The following CAGE1 variants were observed in gnomAD, a reference collection of about 807,000 sequenced individuals.
CAGE1 encodes the protein cancer antigen 1.
In CAGE1, 66 loss-of-function variants were observed where a neutral mutation model predicts 94.9. The ratio of observed to expected loss-of-function variants is 0.70; its 90% CI spans 0.57 to 0.85. CAGE1 has a LOEUF of 0.85. Among genes scored for constraint, CAGE1 ranks in the 40% least tolerant of loss-of-function variants. The probability of loss-of-function intolerance (pLI) is 0.00; values close to 1 mark genes in which losing one functional copy is unlikely to be tolerated. For synonymous variants in CAGE1, 319 were observed against 321.0 expected (o/e 0.99, Z 0.07); for missense variants, 865 against 950.4 (o/e 0.91, Z 1.18).
chr6:7,327,019 G>C (rs564637606), intron 13 of CAGE1, 120 bp from the exon 14 acceptor site: 4 of 720,022 alleles, frequency 5.6e-6, no homozygotes, highest in African/African-American at 3.5e-5. Context: ...TAAGCCTATA[G>C]ATAGATGAAT....
intron 5 of CAGE1, among the ~76,000 whole-genome samples, chr6:7,371,589 G>A (rs1581691160): frequency 6.6e-6 from 1 of 152,018 alleles, no homozygotes; most frequent in East Asian, 1.9e-4. Context: ...TCAAGACCAG[G>A]CTGGCCAACA....
intron 11 of CAGE1, among the ~76,000 whole-genome samples, chr6:7,352,307 AAAAAAAAAC>A (rs2113402227): frequency 1.0e-4 from 6 of 60,260 alleles, no homozygotes; most frequent in South Asian, 4.2e-4. Flanking sequence ...AAAAAAAAAC[AAAAAAAAAC>A]AAAAAAAAAA....
intron 2 of CAGE1, among the ~76,000 whole-genome samples, chr6:7,386,176 T>A (rs1761114622): frequency 6.6e-6 from 1 of 151,628 alleles, no homozygotes. Context: ...TATTGATAAT[T>A]ATTTGATGTT....
intron 11 of CAGE1, among the ~76,000 whole-genome samples, chr6:7,351,219 G>A (rs1759754949): frequency 6.6e-6 from 1 of 151,980 alleles, no homozygotes; most frequent in African/African-American, 2.4e-5. Context: ...TAAATTCCTG[G>A]AAAAATACAA....
chr6:7,338,810 T>C, intron 11 of CAGE1: 1 of 915,004 alleles, frequency 1.1e-6, no homozygotes, highest in Non-Finnish European at 1.8e-6. Flanking sequence ...ACATCCAGAC[T>C]CCAGAATACA....
At chr6:7,343,555 G>A (rs147632630) in intron 11 of CAGE1, among the ~76,000 whole-genome samples, 1 of 152,332 alleles carries the variant, frequency 6.6e-6, no homozygotes, top group African/African-American at 2.4e-5. Context: ...AATAACAGTT[G>A]CTGTGACAGG....
intron 11 of CAGE1, among the ~76,000 whole-genome samples, chr6:7,345,579 G>A (rs763149730): frequency 1.3e-5 from 2 of 152,130 alleles, no homozygotes; most frequent in Admixed American, 6.6e-5. Context: ...GAAAAACAAT[G>A]TCACTAATAG....
At chr6:7,361,344 T>C (rs1760159150) in intron 9 of CAGE1, among the ~76,000 whole-genome samples, 1 of 152,166 alleles carries the variant, frequency 6.6e-6, no homozygotes, top group Admixed American at 6.5e-5. Context: ...CAAGAAAGTA[T>C]GTTCCAAGCA....
intron 13 of CAGE1, among the ~76,000 whole-genome samples, chr6:7,328,935 T>TTA (rs1758639878): frequency 9.6e-6 from 1 of 104,692 alleles, no homozygotes; most frequent in Non-Finnish European, 1.9e-5. Flanking sequence ...TATATATATA[T>TTA]TTTTTTTTTT....
At chr6:7,369,658 A>C (rs896055309) in intron 6 of CAGE1, among the ~76,000 whole-genome samples, 29 of 152,182 alleles carry the variant, frequency 1.9e-4, no homozygotes, top group Admixed American at 1.7e-3. Context: ...GAAACGTGGG[A>C]AGTACTTAAT....
At chr6:7,359,486 G>A (rs1348055596) in intron 9 of CAGE1, among the ~76,000 whole-genome samples, 1 of 152,200 alleles carries the variant, frequency 6.6e-6, no homozygotes, top group Non-Finnish European at 1.5e-5. Flanking sequence ...TGACTGCCTT[G>A]AAGATGTAGG....
At chr6:7,366,820 TG>T (rs1197696334) in intron 7 of CAGE1, among the ~76,000 whole-genome samples, 3 of 151,946 alleles carry the variant, frequency 2.0e-5, no homozygotes, top group Non-Finnish European at 4.4e-5. Context: ...TCATCAAACC[TG>T]GGGGTGGTCT....
chr6:7,380,779 C>T (rs1317302997), intron 3 of CAGE1, among the ~76,000 whole-genome samples: 1 of 152,028 alleles, frequency 6.6e-6, no homozygotes, highest in Non-Finnish European at 1.5e-5. Context: ...TCTAATTTTG[C>T]CCTTAAAAAC....
At chr6:7,365,385 G>T in intron 9 of CAGE1, 83 bp downstream of exon 9, 1 of 1,126,406 alleles carries the variant, frequency 8.9e-7, no homozygotes, top group Non-Finnish European at 1.3e-6. Flanking sequence ...CCAGTTTTTT[G>T]AAGGATGATA....
intron 1 of CAGE1, among the ~76,000 whole-genome samples, 162 bp downstream of exon 1, chr6:7,389,040 G>A (rs1183001642): frequency 3.3e-5 from 5 of 152,040 alleles, no homozygotes; most frequent in African/African-American, 1.2e-4. Flanking sequence ...GTCCTTACAG[G>A]TTTATGTTGG....
Position 7,339,798 on chromosome 6 carries a change from A to G in CAGE1, c.2370-5708T>C, listed in dbSNP as rs1387497839. Among the ~76,000 whole-genome samples the G allele has an allele frequency of 6.6e-6, 1 of 152,102 alleles. No individual in the cohort carries two copies. Among genetic ancestry groups the G allele is most frequent in the East Asian group, 1.9e-4 (1 of 5,184 alleles). Reference sequence around the variant, plus strand: ...TTCCGTGGTGTATATATATACCACAATTTCTTTATCCATTCATTGATTGAT... The same window carrying G: ...TTCCGTGGTGTATATATATACCACAGTTTCTTTATCCATTCATTGATTGAT... On this transcript the variant is annotated intron_variant, in intron 11 of 13. Coordinates refer to ENST00000502583, the MANE Select transcript of CAGE1 (RefSeq NM_001170692.2). This position sits in a 1 kb window ranked among gnomAD's most constrained non-coding sequence, Gnocchi z 4.7.
chr6:7,345,249 A>G (rs938496747), intron 11 of CAGE1, among the ~76,000 whole-genome samples: 1 of 152,010 alleles, frequency 6.6e-6, no homozygotes, highest in Non-Finnish European at 1.5e-5. Context: ...AGAAGGAACA[A>G]CTCCAGACAC....
chr6:7,331,449 G>C (rs2714313), intron 12 of CAGE1: 156,720 of 457,534 alleles, frequency 0.34, 28,405 homozygotes, highest in African/African-American at 0.54. Flanking sequence ...AATACCAGCA[G>C]CAGAACCAGC....
intron 5 of CAGE1, among the ~76,000 whole-genome samples, chr6:7,371,078 G>T (rs1760522682): frequency 6.6e-6 from 1 of 152,122 alleles, no homozygotes; most frequent in Non-Finnish European, 1.5e-5. Context: ...AATTCATCAT[G>T]ATTTGCTTAG....
Sources: gnomAD v4.1 joint callset for allele counts (sites outside exome capture counted in the v4.1 genomes callset) on GRCh38, gnomAD v4.1.1 for gene constraint, Gnocchi (gnomAD v3.1) non-coding constraint, MANE v1.5 for transcripts, NCBI Gene and HGNC (gene_info 2026-07-23, HGNC 2026-07-21) for gene names.